The following FYB1 variants were observed in gnomAD, a reference collection of about 807,000 sequenced individuals.
FYB1 encodes FYN-binding protein 1.
A neutral mutation model predicts 94.1 loss-of-function variants in FYB1; 41 were observed. The ratio of observed to expected loss-of-function variants is 0.44; its 90% CI spans 0.34 to 0.57. The LOEUF (loss-of-function observed/expected upper bound fraction) is 0.57. Among genes scored for constraint, FYB1 ranks in the 20% least tolerant of loss-of-function variants. The probability of loss-of-function intolerance (pLI) is 0.02; values close to 1 mark genes in which losing one functional copy is unlikely to be tolerated. For synonymous variants in FYB1, 367 were observed against 353.2 expected (o/e 1.04, Z -0.44); for missense variants, 1,050 against 976.8 (o/e 1.07, Z -1.00).
At chr5:39,141,200 G>A in intron 3 of FYB1, 59 bp from the exon 4 acceptor site, 1 of 1,074,328 alleles carries the variant, frequency 9.3e-7, no homozygotes, top group Admixed American at 2.3e-5. Context: ...ACCTTACAAT[G>A]AAAAAGGGAA....
intron 3 of FYB1, among the ~76,000 whole-genome samples, chr5:39,150,049 A>C (rs1035696207): frequency 6.6e-6 from 1 of 152,150 alleles, no homozygotes; most frequent in Non-Finnish European, 1.5e-5. Flanking sequence ...ACCTTTGTTA[A>C]ACAAAACTTG....
chr5:39,148,280 T>C (rs1002402347), intron 3 of FYB1, among the ~76,000 whole-genome samples: 1 of 135,672 alleles, frequency 7.4e-6, no homozygotes, highest in African/African-American at 2.7e-5. Flanking sequence ...TTGGCTCACC[T>C]CGGCCTCCCA....
chr5:39,245,909 C>G (rs1407199247), intron 1 of FYB1, among the ~76,000 whole-genome samples: 2 of 152,122 alleles, frequency 1.3e-5, no homozygotes, highest in Non-Finnish European at 2.9e-5. Context: ...CTGGAACAGG[C>G]TTTTGTACAG....
Position 39,115,122 on chromosome 5 carries a change from G to A in FYB1, c.2401+3752C>T, listed in dbSNP as rs578077518. Among the ~76,000 whole-genome samples, 10 of 148,606 alleles carry A rather than the reference G, an allele frequency of 6.7e-5. No individual in the cohort carries two copies. The South Asian group carries it at 1.1e-3, about 16-fold the overall frequency. On this transcript the variant is annotated intron_variant, in intron 16 of 18. Coordinates refer to ENST00000512982, the MANE Select transcript of FYB1 (RefSeq NM_001465.6). Reference sequence around the variant, plus strand: ...AATTTTTTTTTTTTTTTGAGATGGCGTCTCGCTCTGTCACCCAGACTGGAG... The same window carrying A: ...AATTTTTTTTTTTTTTTGAGATGGCATCTCGCTCTGTCACCCAGACTGGAG...
At chr5:39,182,873 A>C (rs761386046) in intron 2 of FYB1, among the ~76,000 whole-genome samples, 8 of 152,188 alleles carry the variant, frequency 5.3e-5, no homozygotes, top group Non-Finnish European at 1.2e-4. Context: ...GTTTCAGAAA[A>C]AAATTCATTA....
chr5:39,245,323 G>C (rs979043905), intron 1 of FYB1, among the ~76,000 whole-genome samples: 1 of 152,102 alleles, frequency 6.6e-6, no homozygotes, highest in African/African-American at 2.4e-5. Flanking sequence ...TGTTTGTGTG[G>C]GTGTGTGTGC....
At chr5:39,157,137 A>T (rs1464035915) in intron 2 of FYB1, among the ~76,000 whole-genome samples, 1 of 152,178 alleles carries the variant, frequency 6.6e-6, no homozygotes, top group African/African-American at 2.4e-5. Flanking sequence ...AGTAAGCCGT[A>T]GCGGTGGGTT....
intron 12 of FYB1, among the ~76,000 whole-genome samples, chr5:39,125,343 T>C (rs981897856): frequency 5.9e-5 from 9 of 152,182 alleles, no homozygotes; most frequent in Admixed American, 5.2e-4. Context: ...CAAATTCATA[T>C]GTATGGAATT....
chr5:39,108,216 C>T lies in FYB1; in HGVS notation c.2467+15G>A, dbSNP rs549151220. On this transcript the variant is annotated intron_variant, in intron 18 of 18. Transcript: ENST00000512982. Reference sequence around the variant, plus strand: ...ACTATGACTGTTCTCTAGGGTGGTACTACATAAGACTTACCATCAGCAATA... The same window carrying T: ...ACTATGACTGTTCTCTAGGGTGGTATTACATAAGACTTACCATCAGCAATA... The T allele has an allele frequency of 6.6e-7, 1 of 1,518,202 alleles. No homozygotes were observed. Among genetic ancestry groups the T allele is most frequent in the African/African-American group, 1.4e-5 (1 of 72,348 alleles). The allele number at this position is 1,518,202 out of a possible 1,614,324, so 94.0% of individuals were successfully genotyped here.
At chr5:39,115,126 C>T (rs1247201293) in intron 16 of FYB1, among the ~76,000 whole-genome samples, 2 of 147,490 alleles carry the variant, frequency 1.4e-5, no homozygotes, top group African/African-American at 2.5e-5. Flanking sequence ...GATGGCGTCT[C>T]GCTCTGTCAC....
chr5:39,202,986 T>A lies in FYB1; in HGVS notation c.-26A>T, dbSNP rs1015294826. The A allele has an allele frequency of 1.1e-5, 18 of 1,612,566 alleles. No homozygotes were observed. Among genetic ancestry groups the A allele is most frequent in the Non-Finnish European group, 1.4e-5 (17 of 1,179,522 alleles). ...GAGGGACTTTACATCTGCCTTTCCA[T>A]CCTACAAACATAGGGAACAAAAAAT... On this transcript the variant is annotated splice_region_variant and 5_prime_UTR_variant, in exon 2 of 19. The change abolishes an upstream ATG in the 5' untranslated region. Coordinates refer to ENST00000512982, the MANE Select transcript of FYB1 (RefSeq NM_001465.6).
chr5:39,170,315 G>C, intron 2 of FYB1: 1 of 1,381,810 alleles, frequency 7.2e-7, no homozygotes, highest in Non-Finnish European at 9.8e-7. Flanking sequence ...TTTCCAGCAA[G>C]ATCAACAAAC....
intron 5 of FYB1, 21 bp downstream of exon 5, chr5:39,139,212 G>T: frequency 6.9e-7 from 1 of 1,457,552 alleles, no homozygotes; most frequent in South Asian, 1.3e-5. Flanking sequence ...AATATAATAT[G>T]AGAAGAGAAA....
upstream of FYB1, among the ~76,000 whole-genome samples, chr5:39,221,608 A>G (rs187951351): frequency 1.3e-5 from 2 of 152,336 alleles, no homozygotes; most frequent in Admixed American, 1.3e-4. Flanking sequence ...AACATGGGAC[A>G]GTTGATCTTG....
chr5:39,258,652 A>T (rs555994114), intron 1 of FYB1, among the ~76,000 whole-genome samples: 1 of 152,264 alleles, frequency 6.6e-6, no homozygotes, highest in South Asian at 2.1e-4. Flanking sequence ...CCCAGAAGAT[A>T]TGGAGCTAAA....
Position 39,215,695 on chromosome 5 carries a change from G to A in FYB1, c.-28+3748C>T, listed in dbSNP as rs565007921. ...CCAAAAGAGTGGCAGAAATTCAGTG[G>A]CAAGGATTGGGGCACCTTTTGGTGG... On this transcript the variant is annotated intron_variant, in intron 1 of 18. Transcript: ENST00000512982. Among the ~76,000 whole-genome samples, 30 of 152,316 alleles carry A rather than the reference G, an allele frequency of 2.0e-4. No homozygotes were observed. In the South Asian group the frequency reaches 6.0e-3, roughly 31 times the overall value.
intron 2 of FYB1, 145 bp from the exon 3 acceptor site, chr5:39,153,749 T>A (rs1743472625): frequency 9.9e-6 from 7 of 704,010 alleles, no homozygotes; most frequent in African/African-American, 1.8e-5. Context: ...AGAGTATGTT[T>A]ATTTTATTAT....
chr5:39,147,390 T>C (rs1029492594), intron 3 of FYB1, among the ~76,000 whole-genome samples: 3 of 151,128 alleles, frequency 2.0e-5, no homozygotes, highest in Non-Finnish European at 4.4e-5. Flanking sequence ...TACCACAGCC[T>C]CCCAAGTAGC....
At chr5:39,137,527 A>G in intron 7 of FYB1, 73 bp downstream of exon 7, 2 of 1,478,588 alleles carry the variant, frequency 1.4e-6, no homozygotes, top group Non-Finnish European at 1.8e-6. Context: ...TAAGTTTTCA[A>G]GAATGGTACC....
Sources: gnomAD v4.1 joint callset for allele counts (sites outside exome capture counted in the v4.1 genomes callset) on GRCh38, gnomAD v4.1.1 for gene constraint, MANE v1.5 for transcripts, NCBI Gene and HGNC (gene_info 2026-07-23, HGNC 2026-07-21) for gene names.